XXYLT1: variants seen among roughly 807,000 people sequenced by gnomAD.
The protein encoded by XXYLT1 is UDP-xylose:alpha-xyloside alpha-1,3-xylosyltransferase.
A neutral mutation model predicts 28.9 loss-of-function variants in XXYLT1; 20 were observed. The ratio of observed to expected loss-of-function variants is 0.69; its 90% confidence interval spans 0.49 to 1.00. The LOEUF (loss-of-function observed/expected upper bound fraction) is 1.00. XXYLT1 is among the 50% of genes least tolerant of loss of function. The probability of loss-of-function intolerance (pLI) is 0.00; values close to 1 mark genes in which losing one functional copy is unlikely to be tolerated. For missense variants in XXYLT1, 542 were observed against 560.1 expected (o/e 0.97, Z 0.33); for synonymous variants, 257 against 253.8 (o/e 1.01, Z -0.12).
chr3:195,160,437 G>A (rs1720814641), intron 2 of XXYLT1, among the ~76,000 whole-genome samples: 1 of 152,222 alleles, frequency 6.6e-6, no homozygotes, highest in South Asian at 2.1e-4. Context: ...GAGGGTTTAG[G>A]GAGAAGGGGA....
At chr3:195,200,114 TC>T (rs367640464) in intron 2 of XXYLT1, among the ~76,000 whole-genome samples, 10 of 152,230 alleles carry the variant, frequency 6.6e-5, no homozygotes, top group African/African-American at 2.4e-4. Flanking sequence ...TAAAGATCTT[TC>T]CTGGAACCTG....
chr3:195,200,858 T>A (rs922386460), intron 2 of XXYLT1, among the ~76,000 whole-genome samples: 4 of 152,056 alleles, frequency 2.6e-5, no homozygotes, highest in African/African-American at 9.7e-5. Flanking sequence ...GCTGGCTCCA[T>A]CCTCTACCGT....
rs553926778 is a variant in XXYLT1, at chr3:195,259,774, G to A, written c.504+10781C>T. 1,150 of 643,350 alleles carry A rather than the reference G, an allele frequency of 1.8e-3. 16 individuals are homozygous for A. The African/African-American group carries it at 0.021, about 12-fold the overall frequency. 39.9% of individuals were successfully genotyped at this position (643,350 alleles called of 1,614,324 possible). On this transcript the variant is annotated intron_variant, in intron 1 of 3. Transcript: ENST00000310380. ...TTGCCAAATTCCCCACCGGCGCCAG[G>A]ATACCGAGGGGCCACCCCCACCACG...
chr3:195,128,849 C>T (rs1718764937), intron 3 of XXYLT1, among the ~76,000 whole-genome samples: 1 of 152,168 alleles, frequency 6.6e-6, no homozygotes, highest in Non-Finnish European at 1.5e-5. Context: ...AATCTTAAAA[C>T]ACTGGTACAC....
intron 2 of XXYLT1, chr3:195,175,761 C>T: frequency 6.6e-7 from 1 of 1,524,174 alleles, no homozygotes; most frequent in Admixed American, 2.0e-5. Flanking sequence ...GGGCCTCAGC[C>T]ACTGCTCCCC....
At chr3:195,141,602 G>A (rs1030723863) in intron 3 of XXYLT1, among the ~76,000 whole-genome samples, 3 of 152,160 alleles carry the variant, frequency 2.0e-5, no homozygotes, top group Non-Finnish European at 4.4e-5. Context: ...CCAAAATGAG[G>A]CCACACTCTT....
intron 2 of XXYLT1, among the ~76,000 whole-genome samples, chr3:195,221,900 C>A (rs1723841836): frequency 6.6e-6 from 1 of 152,142 alleles, no homozygotes; most frequent in African/African-American, 2.4e-5. Context: ...GCGAGACCAG[C>A]CGCATGTGAA....
chr3:195,086,414 G>T (rs188229081), intron 3 of XXYLT1, among the ~76,000 whole-genome samples: 1 of 152,352 alleles, frequency 6.6e-6, no homozygotes, highest in Admixed American at 6.5e-5. Context: ...CTGGAACAGA[G>T]GCTGTTTCCC....
intron 3 of XXYLT1, among the ~76,000 whole-genome samples, chr3:195,081,724 A>T (rs1469694172): frequency 1.3e-5 from 2 of 152,234 alleles, no homozygotes; most frequent in Non-Finnish European, 2.9e-5. Context: ...ATACATTCAG[A>T]TGAGATAAGG....
intron 3 of XXYLT1, among the ~76,000 whole-genome samples, chr3:195,146,283 CT>C (rs1181911656): frequency 6.6e-6 from 1 of 152,212 alleles, no homozygotes; most frequent in African/African-American, 2.4e-5. Context: ...TGCTATTTTG[CT>C]TTTTTTCCCC....
intron 2 of XXYLT1, among the ~76,000 whole-genome samples, chr3:195,190,784 G>A (rs745498452): frequency 5.3e-5 from 8 of 152,020 alleles, no homozygotes; most frequent in Middle Eastern, 3.4e-3. Context: ...GGCGCTTTAC[G>A]GGAGCAAACT....
At chr3:195,072,974 C>G (rs1278162965) in intron 3 of XXYLT1, among the ~76,000 whole-genome samples, 1 of 152,232 alleles carries the variant, frequency 6.6e-6, no homozygotes, top group African/African-American at 2.4e-5. Context: ...GCAGTACCGC[C>G]AATCCCCCCA....
At chr3:195,131,001 C>T (rs376355238) in intron 3 of XXYLT1, among the ~76,000 whole-genome samples, 1 of 152,192 alleles carries the variant, frequency 6.6e-6, no homozygotes, top group African/African-American at 2.4e-5. Context: ...ATTGCCAAGA[C>T]CTGCAAATTC....
Position 195,134,751 on chromosome 3 carries a change from G to A in XXYLT1, c.785+21698C>T, listed in dbSNP as rs143233237. On this transcript the variant is annotated intron_variant, in intron 3 of 3. Coordinates refer to ENST00000310380, the MANE Select transcript of XXYLT1 (RefSeq NM_152531.5). ...GTTCCTCCAGACAGGCCTGCTCCCT[G>A]CCTCTGGAAGCCTGGCAGAGAGGAA... Among the ~76,000 whole-genome samples, 368 of 152,182 alleles carry A rather than the reference G, an allele frequency of 2.4e-3. 6 individuals carry two copies. The highest frequency in any genetic ancestry group is 6.4e-3 in the African/African-American group (264 of 41,522).
intron 2 of XXYLT1, among the ~76,000 whole-genome samples, chr3:195,157,016 G>A (rs371408271): frequency 2.6e-5 from 4 of 152,150 alleles, no homozygotes; most frequent in Admixed American, 6.5e-5. Flanking sequence ...AGGCCGAGGC[G>A]GGTAGATCAC....
intron 3 of XXYLT1, 84 bp from the exon 4 acceptor site, chr3:195,070,195 T>C: frequency 6.8e-7 from 1 of 1,475,854 alleles, no homozygotes; most frequent in Non-Finnish European, 9.0e-7. Context: ...ACAGCCAGCC[T>C]GCATGCAAAC....
intron 1 of XXYLT1, chr3:195,270,275 G>A: frequency 7.8e-6 from 5 of 640,370 alleles, no homozygotes; most frequent in Non-Finnish European, 1.3e-5. Flanking sequence ...CAAAATGGGG[G>A]CGCGCGGACT....
At chr3:195,128,912 G>A (rs1718768083) in intron 3 of XXYLT1, among the ~76,000 whole-genome samples, 2 of 152,224 alleles carry the variant, frequency 1.3e-5, no homozygotes, top group South Asian at 2.1e-4. Flanking sequence ...ATGAAAGCAT[G>A]CGCCAACACT....
intron 3 of XXYLT1, among the ~76,000 whole-genome samples, chr3:195,088,130 G>A (rs928250804): frequency 1.3e-5 from 2 of 151,024 alleles, no homozygotes; most frequent in African/African-American, 2.4e-5. Context: ...CATTGCCCAG[G>A]CTTGATTAGG....
Sources: gnomAD v4.1 joint callset for allele counts (sites outside exome capture counted in the v4.1 genomes callset) on GRCh38, gnomAD v4.1.1 for gene constraint, MANE v1.5 for transcripts, NCBI Gene and HGNC (gene_info 2026-07-23, HGNC 2026-07-21) for gene names.